The following SMS variants were observed in gnomAD, a reference collection of about 807,000 sequenced individuals.
The protein encoded by SMS is spermidine aminopropyltransferase.
A neutral mutation model predicts 33.0 loss-of-function variants in SMS; 3 were observed. The ratio of observed to expected loss-of-function variants is 0.09; its 90% CI spans 0.04 to 0.23. SMS has a LOEUF of 0.23. Ranked by LOEUF, SMS falls within the 10% of genes least tolerant of loss-of-function variation. SMS has a pLI of 1.00. For missense variants in SMS, 117 were observed against 288.6 expected (o/e 0.41, Z 4.31); for synonymous variants, 103 against 112.2 (o/e 0.92, Z 0.52).
chrX:21,980,477 G>A lies in SMS; in HGVS notation c.750+1511G>A, dbSNP rs543676532. Reference sequence around the variant, plus strand: ...ATTTCCATCTAACAAATCTGTACATGTACTTCCTGAATCTAAAATAAAAGT... The same window carrying A: ...ATTTCCATCTAACAAATCTGTACATATACTTCCTGAATCTAAAATAAAAGT... On this transcript the variant is annotated intron_variant, in intron 7 of 10. Coordinates refer to ENST00000404933, the MANE Select transcript of SMS (RefSeq NM_004595.5). 3.1e-5 allele frequency among the ~76,000 whole-genome samples: 3 copies of A among 96,909 alleles called. No homozygotes were observed. The South Asian group carries it at 1.5e-3, about 49-fold the overall frequency. The allele number at this position is 96,909 out of a possible 115,157, so 84.2% of individuals were successfully genotyped here. A position where few individuals can be genotyped will look rare whatever the true frequency, so the allele number is the denominator to read the frequency against.
At chrX:21,984,706 A>G (rs931990644) in intron 8 of SMS, among the ~76,000 whole-genome samples, 2 of 112,101 alleles carry the variant, frequency 1.8e-5, no homozygotes, top group Non-Finnish European at 3.8e-5. Flanking sequence ...TTCAACCTGT[A>G]TTGGTACAAA....
chrX:21,948,745 C>G (rs1922407899), intron 1 of SMS, among the ~76,000 whole-genome samples: 1 of 111,693 alleles, frequency 9.0e-6, no homozygotes, highest in African/African-American at 3.3e-5. Context: ...TTACTAGCAT[C>G]TGTTTAAAAA....
rs1318305388 is a variant in SMS at position 21,977,158 on chromosome X, G to A, written c.427G>A (p.Glu143Lys). 5.8e-6 allele frequency: 7 copies of A among 1,206,194 alleles called. No homozygotes were observed. Among genetic ancestry groups the A allele is most frequent in the South Asian group, 1.8e-5 (1 of 56,854 alleles). ...TGACATAGATGAAGTGGTATATGAC[G>A]AAGATTCACCTTATCAAAATATAAA... The part of the protein sequence containing the change: ...EYDIDEVVYD[E>K]DSPYQNIKIL... Residue 143 changes from glutamate to lysine, a missense_variant, in exon 5 of 11, where the codon GAA becomes AAA. Glu to Lys is a moderately conservative substitution (Grantham distance 56). This residue lies in a region of SMS where 69 missense variants were observed against 203.8 expected (regional missense o/e 0.34). Transcript: ENST00000404933.
chrX:21,961,820 A>T (rs1211873748), intron 1 of SMS, among the ~76,000 whole-genome samples: 1 of 112,057 alleles, frequency 8.9e-6, no homozygotes, highest in Non-Finnish European at 1.9e-5. Flanking sequence ...TGACTGATCT[A>T]CTAGTTACAA....
intron 1 of SMS, among the ~76,000 whole-genome samples, chrX:21,951,169 T>C (rs914966181): frequency 6.2e-5 from 7 of 112,698 alleles, no homozygotes; most frequent in African/African-American, 1.9e-4. Context: ...TCATTGTGGT[T>C]TTGATTTACA....
At chrX:21,993,668 G>A (rs1161599214) in intron 10 of SMS, among the ~76,000 whole-genome samples, 4 of 112,274 alleles carry the variant, frequency 3.6e-5, no homozygotes, top group African/African-American at 9.7e-5. Flanking sequence ...GGAGTACTCC[G>A]CCTGCTGGGT....
intron 1 of SMS, among the ~76,000 whole-genome samples, chrX:21,952,406 G>A (rs1391191427): frequency 1.2e-5 from 1 of 81,352 alleles, no homozygotes; most frequent in African/African-American, 4.5e-5. Flanking sequence ...GGTGGATCAC[G>A]TTGTTTGTTT....
Position 21,951,476 on chromosome X carries a change from A to C in SMS, c.49+10603A>C, listed in dbSNP as rs184282459. Among the ~76,000 whole-genome samples, 23 of 111,655 alleles carry C rather than the reference A, an allele frequency of 2.1e-4. No homozygotes were observed. The East Asian group carries it at 6.2e-3, about 30-fold the overall frequency. ...ATTTGTCAATTTTGGCTTTTGTTGC[A>C]GTTGCTTTTGGTGTTTTTTTGTCAT... On this transcript the variant is annotated intron_variant, in intron 1 of 10. Transcript: ENST00000404933.
At chrX:21,949,073 C>G (rs144196741) in intron 1 of SMS, among the ~76,000 whole-genome samples, 1,449 of 111,868 alleles carry the variant, frequency 0.013, 14 homozygotes, top group Middle Eastern at 0.037. Flanking sequence ...CATCTGTGTT[C>G]CGGAAGGAGC....
At chrX:21,977,336 T>C (rs977011877) in intron 5 of SMS, 100 bp downstream of exon 5, 12 of 804,300 alleles carry the variant, frequency 1.5e-5, no homozygotes, top group Non-Finnish European at 2.3e-5. Flanking sequence ...TTGTTTGAGT[T>C]TGTTTTTGAC....
intron 9 of SMS, among the ~76,000 whole-genome samples, chrX:21,992,341 T>G (rs1308947157): frequency 8.9e-6 from 1 of 112,611 alleles, no homozygotes; most frequent in Non-Finnish European, 1.9e-5. Context: ...AATAAGAAAT[T>G]GGTTTCACTG....
At chrX:21,975,677 TC>T (rs1464359168) in intron 4 of SMS, among the ~76,000 whole-genome samples, 2 of 111,231 alleles carry the variant, frequency 1.8e-5, no homozygotes, top group Non-Finnish European at 3.8e-5. Context: ...TGCCTCACAT[TC>T]TGAAAGCTGA....
chrX:21,979,311 C>T (rs977965468), intron 7 of SMS, among the ~76,000 whole-genome samples: 1 of 110,347 alleles, frequency 9.1e-6, no homozygotes, highest in Admixed American at 9.7e-5. Context: ...AGGTTTTAAG[C>T]CCTGCATGCG....
At chrX:21,986,275 G>A (rs756450192) in intron 9 of SMS, among the ~76,000 whole-genome samples, 217 of 102,842 alleles carry the variant, frequency 2.1e-3, no homozygotes, top group Non-Finnish European at 3.5e-3. Flanking sequence ...TTGAACCTGG[G>A]AGGCAGAGGT....
intron 7 of SMS, 86 bp downstream of exon 7, chrX:21,979,052 A>G: frequency 1.5e-6 from 1 of 666,667 alleles, no homozygotes; most frequent in Non-Finnish European, 2.5e-6. Context: ...AACAGCTTTT[A>G]GTATAGTTGG....
At chrX:21,943,969 G>C (rs764181542) in intron 1 of SMS, among the ~76,000 whole-genome samples, 42 of 111,522 alleles carry the variant, frequency 3.8e-4, no homozygotes, top group African/African-American at 1.2e-3. Context: ...GTGGAGCCTG[G>C]ATTCATGTTC....
At chrX:21,977,377 C>T (rs1422674894) in intron 5 of SMS, 141 bp downstream of exon 5, 3 of 577,277 alleles carry the variant, frequency 5.2e-6, no homozygotes, top group Non-Finnish European at 6.1e-6. Flanking sequence ...ACATTTATGT[C>T]ATATTAACCT....
chrX:21,992,414 G>A (rs998535262), intron 9 of SMS, among the ~76,000 whole-genome samples, 183 bp from the exon 10 acceptor site: 7 of 112,295 alleles, frequency 6.2e-5, no homozygotes, highest in African/African-American at 1.6e-4. Context: ...GAAGGATAAC[G>A]AGCTCTAATG....
At chrX:21,944,039 G>A (rs1412703178) in intron 1 of SMS, among the ~76,000 whole-genome samples, 1 of 111,187 alleles carries the variant, frequency 9.0e-6, no homozygotes, top group Non-Finnish European at 1.9e-5. Flanking sequence ...GATTTTAGTG[G>A]AATTAAACTT....
Sources: gnomAD v4.1 joint callset for allele counts (sites outside exome capture counted in the v4.1 genomes callset) on GRCh38, gnomAD v4.1.1 for gene constraint, gnomAD v4.1.1 regional missense constraint, MANE v1.5 for transcripts, NCBI Gene and HGNC (gene_info 2026-07-23, HGNC 2026-07-21) for gene names.